ADAM20: variants seen among roughly 807,000 people sequenced by gnomAD.
The protein encoded by ADAM20 is disintegrin and metalloproteinase domain-containing protein 20.
For synonymous variants in ADAM20, 305 were observed against 310.2 expected, an observed-to-expected ratio of 0.98 and a Z score of 0.18; for missense variants, 871 against 883.2, an observed-to-expected ratio of 0.99 and a Z score of 0.18.
chr14:70,562,335 T>C, the ADAM20 span, among the ~76,000 whole-genome samples: 1 of 152,248 alleles, frequency 6.6e-6, no homozygotes, highest in Non-Finnish European at 1.5e-5. Context: ...ATCTCCATTG[T>C]ATCTTGGAAG....
intron 1 of ADAM20, among the ~76,000 whole-genome samples, chr14:70,529,301 C>A (rs1453054551): frequency 1.3e-5 from 2 of 152,124 alleles, no homozygotes; most frequent in African/African-American, 4.8e-5. Flanking sequence ...CAAGTCTTAA[C>A]AAATTTAAGA....
At chr14:70,529,372 A>C (rs1883659758) in intron 1 of ADAM20, among the ~76,000 whole-genome samples, 1 of 152,226 alleles carries the variant, frequency 6.6e-6, no homozygotes, top group Non-Finnish European at 1.5e-5. Flanking sequence ...TCAATAATGT[A>C]ATGAAATCTG....
the ADAM20 span, among the ~76,000 whole-genome samples, chr14:70,562,745 T>G: frequency 5.7e-4 from 87 of 152,310 alleles, 3 homozygotes; most frequent in South Asian, 0.016. Context: ...CCCCTTCGCC[T>G]TCTGCCATGA....
At chr14:70,569,526 C>T in the ADAM20 span, among the ~76,000 whole-genome samples, 1 of 152,040 alleles carries the variant, frequency 6.6e-6, no homozygotes, top group African/African-American at 2.4e-5. Context: ...ATAGATCTAC[C>T]TCACAGGGAA....
At chr14:70,533,489 C>CT (rs1272382144) in intron 1 of ADAM20, among the ~76,000 whole-genome samples, 2 of 152,116 alleles carry the variant, frequency 1.3e-5, no homozygotes, top group Non-Finnish European at 2.9e-5. Context: ...TCTCAGCAAA[C>CT]TAACACAGGA....
the ADAM20 span, among the ~76,000 whole-genome samples, chr14:70,575,658 T>C: frequency 6.6e-6 from 1 of 152,188 alleles, no homozygotes. Context: ...CTAAAAAATA[T>C]GCATATTATT....
At chr14:70,547,613 C>T in the ADAM20 span, 1 of 38,006 alleles carries the variant, frequency 2.6e-5, no homozygotes. Flanking sequence ...AGAAACGGCG[C>T]ACCACGAGAC....
At chr14:70,530,690 A>C (rs1482192115) in intron 1 of ADAM20, among the ~76,000 whole-genome samples, 1 of 152,326 alleles carries the variant, frequency 6.6e-6, no homozygotes, top group East Asian at 1.9e-4. Context: ...ATCATTGCCC[A>C]AAACATTCTT....
chr14:70,573,009 G>A, the ADAM20 span, among the ~76,000 whole-genome samples: 1,431 of 152,238 alleles, frequency 9.4e-3, 18 homozygotes, highest in African/African-American at 0.033. Context: ...TTCAACCCCT[G>A]TAGAAAAATA....
chr14:70,560,939 G>A, the ADAM20 span, among the ~76,000 whole-genome samples: 1 of 152,166 alleles, frequency 6.6e-6, no homozygotes, highest in Non-Finnish European at 1.5e-5. Flanking sequence ...CCAGGAGTGG[G>A]GCTCTGCTAT....
chr14:70,563,906 T>C, the ADAM20 span, among the ~76,000 whole-genome samples: 1 of 152,250 alleles, frequency 6.6e-6, no homozygotes, highest in Non-Finnish European at 1.5e-5. Flanking sequence ...TATTTCTTTA[T>C]AGCAATGAAA....
At chr14:70,543,326 C>A in the ADAM20 span, among the ~76,000 whole-genome samples, 1 of 152,302 alleles carries the variant, frequency 6.6e-6, no homozygotes, top group South Asian at 2.1e-4. Context: ...ACTGTAGCAC[C>A]CTTAGGGTGG....
the ADAM20 span, among the ~76,000 whole-genome samples, chr14:70,549,189 G>A: frequency 0.022 from 2,245 of 101,438 alleles, 36 homozygotes; most frequent in African/African-American, 0.053. Flanking sequence ...GGTACCAGCC[G>A]CTGCAAAATC....
the ADAM20 span, among the ~76,000 whole-genome samples, chr14:70,562,943 G>A: frequency 2.0e-5 from 3 of 152,108 alleles, no homozygotes; most frequent in African/African-American, 7.2e-5. Flanking sequence ...TCTCAATGTT[G>A]GTAGCTTGTC....
the ADAM20 span, among the ~76,000 whole-genome samples, chr14:70,561,254 G>C: frequency 6.6e-6 from 1 of 152,234 alleles, no homozygotes; most frequent in African/African-American, 2.4e-5. Flanking sequence ...TTGGACTTGA[G>C]AGAGATGATT....
chr14:70,561,029 A>C, the ADAM20 span, among the ~76,000 whole-genome samples: 1,012 of 152,312 alleles, frequency 6.6e-3, 6 homozygotes, highest in African/African-American at 0.023. Context: ...GCTCAGAAGA[A>C]GACAGGAAGA....
At chr14:70,568,404 A>G in the ADAM20 span, among the ~76,000 whole-genome samples, 5 of 152,254 alleles carry the variant, frequency 3.3e-5, no homozygotes, top group Non-Finnish European at 5.9e-5. Flanking sequence ...AATGATAGCA[A>G]ACTCAAAAAT....
At chr14:70,525,404 T>C (rs1048414065) in intron 1 of ADAM20, among the ~76,000 whole-genome samples, 14 of 152,016 alleles carry the variant, frequency 9.2e-5, no homozygotes, top group African/African-American at 3.1e-4. Context: ...TTTGGGGGGA[T>C]AGAGATGGAG....
chr14:70,565,031 A>G, the ADAM20 span, among the ~76,000 whole-genome samples: 4 of 151,494 alleles, frequency 2.6e-5, no homozygotes, highest in Admixed American at 2.6e-4. Flanking sequence ...TCTGGGCAAC[A>G]AACACAGCAA....
Sources: gnomAD v4.1 joint callset for allele counts (sites outside exome capture counted in the v4.1 genomes callset) on GRCh38, gnomAD v4.1.1 for gene constraint, MANE v1.5 for transcripts, NCBI Gene and HGNC (gene_info 2026-07-23, HGNC 2026-07-21) for gene names.